The following ADAMTSL1 variants were observed in gnomAD, a reference collection of about 807,000 sequenced individuals.
ADAMTSL1 encodes the protein ADAMTS like 1.
A neutral mutation model predicts 201.8 loss-of-function variants in ADAMTSL1; 126 were observed. The ratio of observed to expected loss-of-function variants is 0.62; its 90% confidence interval spans 0.54 to 0.72. The LOEUF is 0.72. ADAMTSL1 is among the 30% of genes least tolerant of loss of function. ADAMTSL1 has a pLI of 0.00. For synonymous variants in ADAMTSL1, 1,121 were observed against 903.4 expected (o/e 1.24, Z -4.32); for missense variants, 2,679 against 2,277.8 (o/e 1.18, Z -3.59).
chr9:18,376,742 G>A (rs771875029), intron 2 of ADAMTSL1, among the ~76,000 whole-genome samples: 5 of 152,062 alleles, frequency 3.3e-5, no homozygotes, highest in African/African-American at 1.2e-4. Context: ...GGAGGCAGAG[G>A]TTGCAGTGAG....
chr9:18,897,668 A>G (rs375342315), intron 26 of ADAMTSL1, among the ~76,000 whole-genome samples: 1 of 152,318 alleles, frequency 6.6e-6, no homozygotes, highest in Non-Finnish European at 1.5e-5. Flanking sequence ...TAACAACATC[A>G]TCAACGAAAA....
At chr9:18,099,355 A>ATATATATATATATATATATATATATAT (rs1239180390) in intron 1 of ADAMTSL1, among the ~76,000 whole-genome samples, 3 of 45,546 alleles carry the variant, frequency 6.6e-5, no homozygotes, top group Admixed American at 3.3e-4. Context: ...ATATATATAT[A>ATATATATATATATATATATATATATAT]TTTTTTTTTT....
At chr9:17,969,686 T>C (rs141043373) in intron 1 of ADAMTSL1, among the ~76,000 whole-genome samples, 97 of 152,196 alleles carry the variant, frequency 6.4e-4, no homozygotes, top group Middle Eastern at 3.4e-3. Context: ...ATTAAACACA[T>C]GTCTAATCTA....
At chr9:18,053,267 G>T (rs1822017270) in intron 1 of ADAMTSL1, among the ~76,000 whole-genome samples, 1 of 152,032 alleles carries the variant, frequency 6.6e-6, no homozygotes, top group Admixed American at 6.6e-5. Flanking sequence ...TTATGATCTA[G>T]ATCTTATAAT....
intron 1 of ADAMTSL1, among the ~76,000 whole-genome samples, chr9:18,102,752 G>A (rs1453891497): frequency 2.6e-5 from 4 of 152,186 alleles, no homozygotes; most frequent in Non-Finnish European, 5.9e-5. Flanking sequence ...ACAGAGATTA[G>A]TCTAGAAAGC....
intron 3 of ADAMTSL1, among the ~76,000 whole-genome samples, chr9:18,544,983 C>T (rs953030032): frequency 6.6e-6 from 1 of 152,152 alleles, no homozygotes; most frequent in African/African-American, 2.4e-5. Flanking sequence ...AGTCCCCTCT[C>T]CTGGCTAGCT....
chr9:17,974,216 A>G (rs1818343085), intron 1 of ADAMTSL1, among the ~76,000 whole-genome samples: 1 of 151,994 alleles, frequency 6.6e-6, no homozygotes, highest in Non-Finnish European at 1.5e-5. Context: ...CACCACTCCT[A>G]TTCAACATAG....
At chr9:18,877,037 T>G (rs1235622816) in intron 23 of ADAMTSL1, among the ~76,000 whole-genome samples, 1 of 152,212 alleles carries the variant, frequency 6.6e-6, no homozygotes, top group Admixed American at 6.5e-5. Flanking sequence ...TTTATTCTGT[T>G]GAGACTTTCC....
intron 1 of ADAMTSL1, among the ~76,000 whole-genome samples, chr9:18,154,442 G>C (rs1168349094): frequency 6.6e-6 from 1 of 152,010 alleles, no homozygotes; most frequent in African/African-American, 2.4e-5. Flanking sequence ...GCTGGGTTCA[G>C]CTGGGACACT....
chr9:18,649,757 T>C (rs1324866232), intron 7 of ADAMTSL1, among the ~76,000 whole-genome samples: 2 of 152,054 alleles, frequency 1.3e-5, no homozygotes, highest in Admixed American at 1.3e-4. Context: ...AAGTTTTGTC[T>C]CAGAGGAGTA....
At chr9:18,462,809 C>T (rs1007100853) in intron 2 of ADAMTSL1, among the ~76,000 whole-genome samples, 8 of 151,744 alleles carry the variant, frequency 5.3e-5, no homozygotes, top group Non-Finnish European at 1.0e-4. Flanking sequence ...CATGGTGGCA[C>T]GCACCTGTAA....
chr9:18,064,954 A>ATTTTTTT lies in ADAMTSL1; in HGVS notation c.88-98880_88-98874dup, dbSNP rs563021690. 9.6e-4 allele frequency among the ~76,000 whole-genome samples: 66 copies of ATTTTTTT among 69,016 alleles called. 3 individuals carry two copies. The highest frequency in any genetic ancestry group is 0.012 in the Middle Eastern group (1 of 82). The allele number at this position is 69,016 out of a possible 152,430, so 45.3% of individuals were successfully genotyped here. On this transcript the variant is annotated intron_variant, in intron 1 of 29. Coordinates refer to the ADAMTSL1 transcript ENST00000680146. ...ATTCAGAAAGCAGTATTTGCTAAAG[A>ATTTTTTT]TTTTTTTTTTTTTTTTTTTTTTTTT...
chr9:18,697,116 T>G (rs909831894), intron 13 of ADAMTSL1, among the ~76,000 whole-genome samples: 24 of 151,906 alleles, frequency 1.6e-4, no homozygotes, highest in African/African-American at 5.6e-4. Flanking sequence ...TCTCTTGACC[T>G]CGTGATCTGC....
intron 2 of ADAMTSL1, among the ~76,000 whole-genome samples, chr9:18,313,214 C>T (rs1310738194): frequency 2.6e-5 from 4 of 152,194 alleles, no homozygotes; most frequent in Non-Finnish European, 5.9e-5. Context: ...TGATACTGTT[C>T]GTCCTCCAGA....
Position 18,590,353 on chromosome 9 carries a change from C to A in ADAMTSL1, c.474+16087C>A, listed in dbSNP as rs75389363. Reference sequence around the variant, plus strand: ...ATCACTTATATTTCTATGGTGTCACCTGTAATGTTTCCTTTTTCATCTCTG... The same window carrying A: ...ATCACTTATATTTCTATGGTGTCACATGTAATGTTTCCTTTTTCATCTCTG... On this transcript the variant is annotated intron_variant, in intron 4 of 28. Transcript: ENST00000380548. 9.9e-3 allele frequency among the ~76,000 whole-genome samples: 1,501 copies of A among 152,014 alleles called. 35 individuals are homozygous for A. The highest frequency in any genetic ancestry group is 0.033 in the African/African-American group (1,373 of 41,522).
chr9:18,393,840 G>C (rs540684214), intron 2 of ADAMTSL1, among the ~76,000 whole-genome samples: 1 of 152,288 alleles, frequency 6.6e-6, no homozygotes, highest in South Asian at 2.1e-4. Flanking sequence ...CAAAAGTGAA[G>C]GCAGAGAAAA....
At position 18,524,963 on chromosome 9, in the gene ADAMTSL1, G is replaced by A. The variant is rs371536406; in HGVS notation, c.192-8284G>A. Reference sequence around the variant, plus strand: ...GGATGATGCTGGCCTCATAAAATGAGTGAGGGAGGATTCCCTCTTTTTCTA... The same window carrying A: ...GGATGATGCTGGCCTCATAAAATGAATGAGGGAGGATTCCCTCTTTTTCTA... On this transcript the variant is annotated intron_variant, in intron 2 of 28. Coordinates refer to ENST00000380548, the MANE Select transcript of ADAMTSL1 (RefSeq NM_001040272.6). Among the ~76,000 whole-genome samples the A allele has an allele frequency of 2.6e-5, 4 of 152,348 alleles. No homozygotes were observed. In the East Asian group the frequency reaches 7.7e-4, roughly 29 times the overall value.
intron 5 of ADAMTSL1, among the ~76,000 whole-genome samples, chr9:18,632,833 C>G (rs17804334): frequency 0.13 from 19,396 of 152,174 alleles, 1,390 homozygotes; most frequent in Admixed American, 0.2. Context: ...ACCAGCCTGA[C>G]TTGCTTCATT....
At chr9:18,414,761 A>C (rs1818599273) in intron 2 of ADAMTSL1, among the ~76,000 whole-genome samples, 1 of 152,168 alleles carries the variant, frequency 6.6e-6, no homozygotes, top group Admixed American at 6.5e-5. Flanking sequence ...GAAACCTGAA[A>C]ACCTGCAGAG....
Sources: allele counts gnomAD v4.1 joint callset (sites outside exome capture counted in the v4.1 genomes callset), GRCh38; gene constraint gnomAD v4.1.1; transcripts MANE v1.5; gene names NCBI Gene and HGNC (gene_info 2026-07-23, HGNC 2026-07-21).